Variants in PHACTR3 observed in about 807,000 individuals in gnomAD.
PHACTR3 encodes protein phosphatase 1, regulatory subunit 123.
Under a neutral mutation model 66.8 loss-of-function variants are expected in PHACTR3, and 16 were observed. That is an observed-to-expected ratio of 0.24 (90% confidence interval 0.16 to 0.36). The LOEUF is 0.36. Ranked by LOEUF, PHACTR3 falls within the 10% of genes least tolerant of loss-of-function variation. PHACTR3 has a pLI of 1.00. For missense variants in PHACTR3, 647 were observed against 719.9 expected, an observed-to-expected ratio of 0.90 and a Z score of 1.16; for synonymous variants, 323 against 292.1, an observed-to-expected ratio of 1.11 and a Z score of -1.08.
chr20:59,758,093 G>A (rs540477872), intron 4 of PHACTR3, among the ~76,000 whole-genome samples: 71 of 151,854 alleles, frequency 4.7e-4, no homozygotes, highest in Non-Finnish European at 7.4e-4. Flanking sequence ...TGTAGGAAGC[G>A]CTCTGCTGGT....
intron 8 of PHACTR3, among the ~76,000 whole-genome samples, chr20:59,809,675 C>T (rs1422073694): frequency 6.6e-6 from 1 of 152,114 alleles, no homozygotes; most frequent in Non-Finnish European, 1.5e-5. Context: ...GATTGCTGAT[C>T]ATAAACTTGA....
intron 4 of PHACTR3, among the ~76,000 whole-genome samples, chr20:59,764,849 G>T (rs1031509019): frequency 1.3e-5 from 2 of 151,974 alleles, no homozygotes; most frequent in Admixed American, 6.6e-5. Context: ...AAAGGGGTGG[G>T]ACCCCCCCAG....
chr20:59,825,908 G>A (rs570283910), intron 8 of PHACTR3, among the ~76,000 whole-genome samples: 2 of 152,256 alleles, frequency 1.3e-5, no homozygotes, highest in Admixed American at 1.3e-4. Context: ...AGCGGGATTA[G>A]CGCCCTCAAA....
intron 1 of PHACTR3, among the ~76,000 whole-genome samples, chr20:59,705,100 G>A (rs2037652599): frequency 6.6e-6 from 1 of 151,932 alleles, no homozygotes; most frequent in South Asian, 2.1e-4. Context: ...GGGATTACAG[G>A]TGTGCACCAC....
chr20:59,799,268 T>C (rs1354393677), intron 7 of PHACTR3, among the ~76,000 whole-genome samples: 1 of 152,198 alleles, frequency 6.6e-6, no homozygotes, highest in African/African-American at 2.4e-5. Context: ...TTGTTTGGTA[T>C]AGTGCTTTAT....
chr20:59,779,458 A>G (rs986180646), intron 7 of PHACTR3, among the ~76,000 whole-genome samples: 3 of 152,210 alleles, frequency 2.0e-5, no homozygotes, highest in African/African-American at 7.2e-5. Context: ...TTCTCTCTGC[A>G]GTGTGTTGAG....
chr20:59,623,656 T>C (rs2034342909), intron 1 of PHACTR3, among the ~76,000 whole-genome samples: 1 of 152,146 alleles, frequency 6.6e-6, no homozygotes. Context: ...GTTTGAAGGA[T>C]ACGTGGGAAT....
chr20:59,613,088 A>G (rs934702863), intron 1 of PHACTR3, among the ~76,000 whole-genome samples: 1 of 152,172 alleles, frequency 6.6e-6, no homozygotes, highest in Non-Finnish European at 1.5e-5. Flanking sequence ...CACCTCCAAC[A>G]TTAGGGATTC....
intron 3 of PHACTR3, among the ~76,000 whole-genome samples, chr20:59,754,558 T>A (rs1300131978): frequency 6.6e-6 from 1 of 152,208 alleles, no homozygotes; most frequent in Non-Finnish European, 1.5e-5. Flanking sequence ...AAACACCTGT[T>A]TAATGCCTGG....
chr20:59,726,799 T>C (rs1434631650), intron 1 of PHACTR3, among the ~76,000 whole-genome samples: 2 of 152,182 alleles, frequency 1.3e-5, no homozygotes, highest in Non-Finnish European at 2.9e-5. Context: ...TCCCGGACTT[T>C]GCATATTTTC....
At chr20:59,663,549 G>A (rs998472536) in intron 1 of PHACTR3, among the ~76,000 whole-genome samples, 7 of 152,214 alleles carry the variant, frequency 4.6e-5, no homozygotes, top group African/African-American at 1.2e-4. Flanking sequence ...AGTGAAAGCC[G>A]TTCTTGTGAA....
intron 8 of PHACTR3, among the ~76,000 whole-genome samples, chr20:59,814,473 A>C (rs528752489): frequency 7.9e-5 from 12 of 152,288 alleles, no homozygotes; most frequent in African/African-American, 2.9e-4. Flanking sequence ...GGTTTTTGGC[A>C]GTGCTTCCAT....
intron 1 of PHACTR3, among the ~76,000 whole-genome samples, chr20:59,662,373 G>T (rs931967716): frequency 3.3e-5 from 5 of 152,126 alleles, no homozygotes; most frequent in Admixed American, 2.6e-4. Context: ...GACCTGCAGT[G>T]GGGGAGCATT....
intron 1 of PHACTR3, among the ~76,000 whole-genome samples, chr20:59,732,245 T>G (rs1031563254): frequency 2.6e-5 from 4 of 152,204 alleles, no homozygotes; most frequent in Non-Finnish European, 5.9e-5. Context: ...CATGCCTAGA[T>G]GGTAAACTGA....
chr20:59,589,461 A>C (rs2033128945), intron 1 of PHACTR3, among the ~76,000 whole-genome samples: 1 of 152,180 alleles, frequency 6.6e-6, no homozygotes, highest in Non-Finnish European at 1.5e-5. Context: ...ACGGCTGCAG[A>C]ACGTAAGATC....
At chr20:59,802,342 G>A (rs181945787) in intron 7 of PHACTR3, among the ~76,000 whole-genome samples, 3 of 152,330 alleles carry the variant, frequency 2.0e-5, no homozygotes, top group Middle Eastern at 3.4e-3. Flanking sequence ...TCCACCTCTG[G>A]AGGTAGGGGA....
chr20:59,756,644 C>T (rs988170122), intron 4 of PHACTR3, among the ~76,000 whole-genome samples: 2 of 151,996 alleles, frequency 1.3e-5, no homozygotes, highest in African/African-American at 4.8e-5. Flanking sequence ...CTCTGTGTGC[C>T]CCAGGCATCT....
rs79410454 is a variant in PHACTR3 at position 59,776,474 on chromosome 20, G to A, written c.1174+1984G>A. ...CAGGGCCTGGCTCAGGGTGCACCTC[G>A]GAGAGCACTTCTTCCTGTCCTCACC... On this transcript the variant is annotated intron_variant, in intron 7 of 12. Coordinates refer to ENST00000371015, the MANE Select transcript of PHACTR3 (RefSeq NM_080672.5). Among the ~76,000 whole-genome samples, 59 of 152,240 alleles carry A rather than the reference G, an allele frequency of 3.9e-4. 1 individual carries two copies. In the East Asian group the frequency reaches 4.7e-3, roughly 12 times the overall value.
At chr20:59,653,197 T>C (rs573704360) in intron 1 of PHACTR3, among the ~76,000 whole-genome samples, 7 of 152,004 alleles carry the variant, frequency 4.6e-5, no homozygotes, top group Non-Finnish European at 8.8e-5. Flanking sequence ...TTTTTTTTTT[T>C]TTTTTGAGAT....
Sources: gnomAD v4.1 joint callset for allele counts (sites outside exome capture counted in the v4.1 genomes callset) on GRCh38, gnomAD v4.1.1 for gene constraint, MANE v1.5 for transcripts, NCBI Gene and HGNC (gene_info 2026-07-23, HGNC 2026-07-21) for gene names.